EPB41: variants seen among roughly 807,000 people sequenced by gnomAD.
The protein encoded by EPB41 is protein 4.1.
In EPB41, 65 loss-of-function variants were observed where a neutral mutation model predicts 108.0. The ratio of observed to expected loss-of-function variants is 0.60; its 90% confidence interval spans 0.49 to 0.74. EPB41 has a LOEUF of 0.74. Ranked by LOEUF, EPB41 falls within the 30% of genes least tolerant of loss-of-function variation. EPB41 has a pLI of 0.00. For synonymous variants in EPB41, 336 were observed against 358.9 expected, an observed-to-expected ratio of 0.94 and a Z score of 0.72; for missense variants, 875 against 1,037.0, an observed-to-expected ratio of 0.84 and a Z score of 2.15.
chr1:28,928,740 G>T (rs2093586452), intron 1 of EPB41, among the ~76,000 whole-genome samples: 1 of 152,150 alleles, frequency 6.6e-6, no homozygotes, highest in Non-Finnish European at 1.5e-5. Context: ...ATAAGGGTAG[G>T]TTGGTGTGAT....
At chr1:29,074,359 A>C (rs891600920) in intron 16 of EPB41, among the ~76,000 whole-genome samples, 1 of 152,188 alleles carries the variant, frequency 6.6e-6, no homozygotes, top group African/African-American at 2.4e-5. Context: ...TCATATACTC[A>C]AATTACACCG....
At chr1:28,968,734 C>T (rs951631683) in intron 1 of EPB41, among the ~76,000 whole-genome samples, 6 of 152,060 alleles carry the variant, frequency 3.9e-5, no homozygotes, top group Non-Finnish European at 8.8e-5. Context: ...GAGGCCGAGA[C>T]GGGTGGATCA....
intron 11 of EPB41, among the ~76,000 whole-genome samples, chr1:29,040,490 A>G (rs1416233995): frequency 6.6e-6 from 1 of 152,094 alleles, no homozygotes; most frequent in Non-Finnish European, 1.5e-5. Context: ...TATGTTCGCC[A>G]GGCTGGTCTC....
chr1:28,987,657 T>A lies in EPB41; in HGVS notation c.220T>A (p.Ser74Thr). The change falls in exon 2 of 21, where the codon TCA becomes ACA. Residue 74 changes from serine to threonine, a missense_variant. Ser to Thr is a moderately conservative substitution (Grantham distance 58, BLOSUM62 1). Coordinates refer to ENST00000343067, the MANE Select transcript of EPB41 (RefSeq NM_001376013.1). ...EDLTKNKERTSESRGLSRLFS... is the reference protein window; with the variant it reads ...EDLTKNKERTTESRGLSRLFS... ...CTTGACCAAGAACAAGGAGCGGACA[T>A]CAGAAAGCAGAGGACTTTCACGACT... 6.2e-7 allele frequency: 1 copy of A among 1,614,056 alleles called. No individual in the cohort carries two copies. Among genetic ancestry groups the A allele is most frequent in the Middle Eastern group, 1.6e-4 (1 of 6,062 alleles).
At chr1:28,907,020 C>T (rs1356780404) in intron 1 of EPB41, among the ~76,000 whole-genome samples, 1 of 151,716 alleles carries the variant, frequency 6.6e-6, no homozygotes, top group African/African-American at 2.4e-5. Context: ...ATCTGCCTGC[C>T]TCTGCCTCCC....
intron 16 of EPB41, chr1:29,069,238 G>A (rs1650045115): frequency 1.6e-6 from 2 of 1,231,566 alleles, no homozygotes; most frequent in Non-Finnish European, 1.0e-6. Context: ...CTTCCAAACT[G>A]ATCAGAGAAG....
At chr1:29,053,898 A>G (rs1230727687) in intron 12 of EPB41, 1 of 153,206 alleles carries the variant, frequency 6.5e-6, no homozygotes, top group East Asian at 1.9e-4. Flanking sequence ...AAAACACACC[A>G]GTATGATTGA....
Position 29,053,142 on chromosome 1 carries a change from A to G in EPB41, c.1675A>G (p.Thr559Ala), listed in dbSNP as rs1333019840. 3 of 1,614,158 alleles carry G rather than the reference A, an allele frequency of 1.9e-6. No homozygotes were observed. Among genetic ancestry groups the G allele is most frequent in the Middle Eastern group, 1.7e-4 (1 of 6,058 alleles). The stretch of plus-strand genomic sequence containing the variant: ...TTCGGCAGACCGAAGTCCTCGGCCC[A>G]CTTCTGCACCTGCCATTACTCAGGG... ...VDSADRSPRP[T>A]SAPAITQGQV... The change falls in exon 12 of 21, where the codon ACT (threonine) becomes GCT (alanine). Residue 559 changes from threonine to alanine, a missense_variant. Physicochemically the swap from Thr to Ala is moderately conservative, Grantham distance 58. Transcript: ENST00000343067.
intron 5 of EPB41, among the ~76,000 whole-genome samples, chr1:29,013,163 A>G (rs2096530173): frequency 6.6e-6 from 1 of 152,080 alleles, no homozygotes; most frequent in Non-Finnish European, 1.5e-5. Context: ...CGTCTCTACT[A>G]AAAATACAAA....
chr1:29,069,252 A>G, intron 16 of EPB41: 2 of 1,231,674 alleles, frequency 1.6e-6, no homozygotes, highest in South Asian at 8.2e-5. Flanking sequence ...AGAGAAGGCT[A>G]GCTCAACTGA....
chr1:28,953,047 TC>T (rs1235372394), intron 1 of EPB41, among the ~76,000 whole-genome samples: 19 of 151,040 alleles, frequency 1.3e-4, no homozygotes, highest in African/African-American at 4.7e-4. Context: ...TATTTAGTGT[TC>T]AAATTTCTAG....
At chr1:28,929,843 CTTTTT>C (rs56337991) in intron 1 of EPB41, among the ~76,000 whole-genome samples, 17,992 of 101,860 alleles carry the variant, frequency 0.18, 2,064 homozygotes, top group African/African-American at 0.38. Flanking sequence ...ACTGGGCCTT[CTTTTT>C]TTTTTTTTTT....
chr1:29,089,740 GGA>G (rs1471492536), intron 16 of EPB41, among the ~76,000 whole-genome samples: 1 of 152,130 alleles, frequency 6.6e-6, no homozygotes, highest in African/African-American at 2.4e-5. Context: ...GGATGAAGCT[GGA>G]GAGAGAGGTA....
rs1461774483 is a variant in EPB41 at position 29,097,955 on chromosome 1, T to C, written c.2313+20T>C. 1.2e-6 allele frequency: 2 copies of C among 1,613,916 alleles called. No homozygotes were observed. Among genetic ancestry groups the C allele is most frequent in the African/African-American group, 2.7e-5 (2 of 75,040 alleles). On this transcript the variant is annotated intron_variant, in intron 17 of 20. Coordinates refer to ENST00000343067, the MANE Select transcript of EPB41 (RefSeq NM_001376013.1). ...GCCCAGGTAGGACATGTTTTGATGC[T>C]TCAGAACCAAAGGCTGCAAACAAAA... is the stretch of plus-strand genomic sequence containing the variant.
In EPB41 at chr1:29,114,665, C is replaced by G. The variant is rs568647533; in HGVS notation, c.2497-1034C>G. Reference sequence around the variant, plus strand: ...AAAAAAAAAAAAAAAAAAAAAGTCCCTGTTTCACTACCTACTAGCTATGAA... The same window carrying G: ...AAAAAAAAAAAAAAAAAAAAAGTCCGTGTTTCACTACCTACTAGCTATGAA... On this transcript the variant is annotated intron_variant, in intron 19 of 20. Coordinates refer to ENST00000343067, the MANE Select transcript of EPB41 (RefSeq NM_001376013.1). 9.4e-4 allele frequency among the ~76,000 whole-genome samples: 139 copies of G among 148,210 alleles called. 2 individuals are homozygous for G. In the East Asian group the frequency reaches 0.017, roughly 18 times the overall value.
chr1:29,001,731 G>A (rs1050631634), intron 4 of EPB41, among the ~76,000 whole-genome samples: 1 of 152,114 alleles, frequency 6.6e-6, no homozygotes, highest in Non-Finnish European at 1.5e-5. Context: ...TTTGATTTTT[G>A]ATCTTTTGTA....
intron 1 of EPB41, among the ~76,000 whole-genome samples, chr1:28,906,736 T>A (rs547158928): frequency 4.1e-4 from 63 of 152,294 alleles, no homozygotes; most frequent in Non-Finnish European, 6.6e-4. Flanking sequence ...AGACCTAGTT[T>A]AAGCTGCGAT....
rs148493515 is a variant in EPB41 at position 29,106,039 on chromosome 1, C to T, written c.2314-3297C>T. Among the ~76,000 whole-genome samples the T allele has an allele frequency of 3.7e-3, 565 of 152,244 alleles. 6 individuals carry two copies. The highest frequency in any genetic ancestry group is 0.013 in the African/African-American group (523 of 41,532). ...TGCTGGGATTTCAGGCATGAGCCACCGTGCCTGGCCACAAATCTTGTTGTG... is the reference window on the plus strand; with the variant it reads ...TGCTGGGATTTCAGGCATGAGCCACTGTGCCTGGCCACAAATCTTGTTGTG... On this transcript the variant is annotated intron_variant, in intron 17 of 20. Transcript: ENST00000343067.
At chr1:28,910,046 T>A (rs1469719670), upstream of EPB41, among the ~76,000 whole-genome samples, 1 of 150,976 alleles carries the variant, frequency 6.6e-6, no homozygotes, top group Non-Finnish European at 1.5e-5. Flanking sequence ...GTGGTCATGC[T>A]ACTGTACACC....
Sources: allele counts gnomAD v4.1 joint callset (sites outside exome capture counted in the v4.1 genomes callset), GRCh38; gene constraint gnomAD v4.1.1; transcripts MANE v1.5; gene names NCBI Gene and HGNC (gene_info 2026-07-23, HGNC 2026-07-21).